HCN1: variants seen among roughly 807,000 people sequenced by gnomAD.
HCN1 encodes potassium/sodium hyperpolarization-activated cyclic nucleotide-gated channel 1.
HCN1 carries 13 observed loss-of-function variants against 78.9 expected under a neutral mutation model. That is an observed-to-expected ratio of 0.16 (90% CI 0.11 to 0.26). The LOEUF is 0.26. Among genes scored for constraint, HCN1 ranks in the 10% least tolerant of loss-of-function variants. The pLI is 1.00. For missense variants in HCN1, 810 were observed against 1,154.3 expected (o/e 0.70, Z 4.32); for synonymous variants, 552 against 455.5 (o/e 1.21, Z -2.70).
intron 3 of HCN1, among the ~76,000 whole-genome samples, chr5:45,409,280 A>G (rs1739983450): frequency 1.3e-5 from 2 of 152,030 alleles, no homozygotes; most frequent in Admixed American, 6.6e-5. Context: ...TAATGGAAAA[A>G]TATGTTCATA....
rs767078014 is a variant in HCN1 at position 45,262,172 on chromosome 5, C to T, written c.2422G>A (p.Val808Met). ...GGGATGGAGGCCAGGGACTCGCCCA[C>T]AGTGGGATGAGGTCTGGAAATCAGA... ...STLISRPHPT[V>M]GESLASIPQP... is the part of the protein sequence containing the mutation. The change falls in exon 8 of 8, where the codon GTG becomes ATG. Residue 808 changes from valine to methionine, a missense_variant. Physicochemically the swap from Val to Met is conservative, Grantham distance 21. Coordinates refer to ENST00000303230, the MANE Select transcript of HCN1 (RefSeq NM_021072.4). 1 of 1,613,858 alleles carries T rather than the reference C, an allele frequency of 6.2e-7. No homozygotes were observed. Among genetic ancestry groups the T allele is most frequent in the African/African-American group, 1.3e-5 (1 of 74,934 alleles).
At chr5:45,490,940 G>C (rs1029530831) in intron 2 of HCN1, among the ~76,000 whole-genome samples, 1 of 151,834 alleles carries the variant, frequency 6.6e-6, no homozygotes. Flanking sequence ...TTCCAGGCAG[G>C]AGCATGTTCA....
intron 5 of HCN1, among the ~76,000 whole-genome samples, chr5:45,348,102 G>A (rs529759966): frequency 6.6e-6 from 1 of 152,212 alleles, no homozygotes; most frequent in African/African-American, 2.4e-5. Context: ...AAAATGTTCA[G>A]GGCAGCCAGA....
chr5:45,350,216 C>G (rs1025920175), intron 5 of HCN1, among the ~76,000 whole-genome samples: 1 of 151,980 alleles, frequency 6.6e-6, no homozygotes, highest in Non-Finnish European at 1.5e-5. Context: ...AAGGCTGGTT[C>G]AATATATACA....
chr5:45,694,370 C>G (rs998610797), intron 1 of HCN1, among the ~76,000 whole-genome samples: 8 of 152,086 alleles, frequency 5.3e-5, no homozygotes, highest in African/African-American at 7.2e-5. Flanking sequence ...ATTTCTGAGA[C>G]GATAAATATC....
chr5:45,443,790 C>G (rs952691794), intron 3 of HCN1, among the ~76,000 whole-genome samples: 1 of 151,940 alleles, frequency 6.6e-6, no homozygotes, highest in African/African-American at 2.4e-5. Context: ...TTAATTTAAT[C>G]TAGAAGGCTA....
chr5:45,580,265 C>G (rs1167329015), intron 2 of HCN1, among the ~76,000 whole-genome samples: 5 of 151,938 alleles, frequency 3.3e-5, no homozygotes, highest in African/African-American at 1.2e-4. Context: ...CACAAAGGAC[C>G]TTAAATGTGA....
At chr5:45,449,338 T>C (rs1354103969) in intron 3 of HCN1, among the ~76,000 whole-genome samples, 1 of 152,192 alleles carries the variant, frequency 6.6e-6, no homozygotes, top group Non-Finnish European at 1.5e-5. Context: ...ACTTCTCATA[T>C]TTTGTTTAAC....
intron 6 of HCN1, among the ~76,000 whole-genome samples, chr5:45,292,894 A>G (rs945229049): frequency 9.9e-5 from 15 of 152,006 alleles, no homozygotes; most frequent in African/African-American, 3.4e-4. Context: ...ACATGTTTAA[A>G]TTTGAAGAAA....
chr5:45,578,979 A>C (rs1229867691), intron 2 of HCN1, among the ~76,000 whole-genome samples: 1 of 152,016 alleles, frequency 6.6e-6, no homozygotes, highest in Non-Finnish European at 1.5e-5. Flanking sequence ...ATTTTGTGCA[A>C]ATGTCATCGT....
intron 2 of HCN1, among the ~76,000 whole-genome samples, chr5:45,533,951 G>A (rs1579954124): frequency 6.6e-6 from 1 of 152,202 alleles, no homozygotes; most frequent in Non-Finnish European, 1.5e-5. Context: ...GAGGGGAGAA[G>A]AGAGAACAAG....
intron 6 of HCN1, among the ~76,000 whole-genome samples, chr5:45,302,649 T>C (rs1208678170): frequency 6.6e-6 from 1 of 151,270 alleles, no homozygotes; most frequent in Non-Finnish European, 1.5e-5. Context: ...ATAATTTTAA[T>C]AAAAATTGGA....
At chr5:45,437,082 C>T (rs1479485491) in intron 3 of HCN1, among the ~76,000 whole-genome samples, 1 of 152,060 alleles carries the variant, frequency 6.6e-6, no homozygotes, top group Non-Finnish European at 1.5e-5. Context: ...GTATCAGATT[C>T]GTTTCAAAAG....
chr5:45,362,440 G>T (rs762418746), intron 4 of HCN1, among the ~76,000 whole-genome samples: 1 of 151,968 alleles, frequency 6.6e-6, no homozygotes, highest in Non-Finnish European at 1.5e-5. Flanking sequence ...CATTTAAAGA[G>T]AAATCTATTT....
At chr5:45,294,436 C>T (rs997842906) in intron 6 of HCN1, among the ~76,000 whole-genome samples, 1 of 151,812 alleles carries the variant, frequency 6.6e-6, no homozygotes, top group Non-Finnish European at 1.5e-5. Context: ...GTTTGTTTCA[C>T]ATTATCATTC....
At chr5:45,338,971 T>A (rs1374494657) in intron 5 of HCN1, among the ~76,000 whole-genome samples, 5 of 152,172 alleles carry the variant, frequency 3.3e-5, no homozygotes, top group African/African-American at 7.2e-5. Flanking sequence ...TAGACCTTTG[T>A]GTGATTCTGA....
intron 3 of HCN1, among the ~76,000 whole-genome samples, chr5:45,427,281 A>G (rs535918076): frequency 6.6e-6 from 1 of 152,172 alleles, no homozygotes; most frequent in South Asian, 2.1e-4. Flanking sequence ...TCAAAAGCAA[A>G]ACAGAAAAAA....
rs916096019 is a variant in HCN1, at chr5:45,303,918, A to G, written c.1378-79T>C. The G allele has an allele frequency of 1.6e-5, 20 of 1,221,466 alleles. No individual in the cohort carries two copies. In the African/African-American group the frequency reaches 2.8e-4, roughly 17 times the overall value. 75.7% of individuals were successfully genotyped at this position (1,221,466 alleles called of 1,614,324 possible). A position where few individuals can be genotyped will look rare whatever the true frequency, so the allele number is the denominator to read the frequency against. ...AGAAAAACATGCTGAAATTTAAAAT[A>G]TATACAGCATAACATTGTAATTTAA... On this transcript the variant is annotated intron_variant, in intron 5 of 7. Coordinates refer to ENST00000303230, the MANE Select transcript of HCN1 (RefSeq NM_021072.4).
intron 2 of HCN1, among the ~76,000 whole-genome samples, chr5:45,634,337 T>C (rs1362003612): frequency 6.6e-6 from 1 of 152,020 alleles, no homozygotes. Flanking sequence ...TCTTCTATGA[T>C]ACTCTTGAAG....
Sources: allele counts gnomAD v4.1 joint callset (sites outside exome capture counted in the v4.1 genomes callset), GRCh38; gene constraint gnomAD v4.1.1; transcripts MANE v1.5; gene names NCBI Gene and HGNC (gene_info 2026-07-23, HGNC 2026-07-21).